Variants in ARHGAP12 observed in about 807,000 individuals in gnomAD.
ARHGAP12 encodes the protein rho GTPase-activating protein 12.
In ARHGAP12, 64 loss-of-function variants were observed where a neutral mutation model predicts 108.6. The ratio of observed to expected loss-of-function variants is 0.59; its 90% CI spans 0.48 to 0.73. The LOEUF is 0.73. Among genes scored for constraint, ARHGAP12 ranks in the 30% least tolerant of loss-of-function variants. The pLI is 0.00. For synonymous variants in ARHGAP12, 312 were observed against 337.2 expected (o/e 0.93, Z 0.82); for missense variants, 940 against 1,005.9 (o/e 0.93, Z 0.89).
intron 3 of ARHGAP12, among the ~76,000 whole-genome samples, chr10:31,884,590 T>G (rs958627740): frequency 6.6e-6 from 1 of 152,204 alleles, no homozygotes; most frequent in Admixed American, 6.5e-5. Flanking sequence ...TCATAACAAT[T>G]AACTCTTTGT....
intron 3 of ARHGAP12, among the ~76,000 whole-genome samples, chr10:31,876,260 G>C (rs552407124): frequency 6.6e-6 from 1 of 152,332 alleles, no homozygotes; most frequent in South Asian, 2.1e-4. Flanking sequence ...GCTCACGCCT[G>C]TAATCCCAGC....
At position 31,808,677 on chromosome 10, in the gene ARHGAP12, T is replaced by C. The variant is rs1433839372; in HGVS notation, c.2338A>G (p.Met780Val). Reference protein sequence around the residue: ...RQLPKPNQDTMQILFRHLRRV... With the variant: ...RQLPKPNQDTVQILFRHLRRV... Reference sequence around the variant, plus strand: ...CTGAGATGTCGGAAAAGAATCTGCATTGTGTCTTGGTTTGGCTTTGGCAAC... The same window carrying C: ...CTGAGATGTCGGAAAAGAATCTGCACTGTGTCTTGGTTTGGCTTTGGCAAC... The change falls in exon 19 of 20, where the codon ATG (methionine) becomes GTG (valine). Residue 780 changes from methionine to valine, a missense_variant. By Grantham distance (21) the Met-to-Val change is conservative (BLOSUM62 1). Transcript: ENST00000344936. 6 of 1,613,742 alleles carry C rather than the reference T, an allele frequency of 3.7e-6. No homozygotes were observed. The highest frequency in any genetic ancestry group is 3.3e-5 in the South Asian group (3 of 91,072).
intron 9 of ARHGAP12, among the ~76,000 whole-genome samples, chr10:31,832,356 A>G (rs1167997321): frequency 6.6e-6 from 1 of 152,228 alleles, no homozygotes; most frequent in African/African-American, 2.4e-5. Flanking sequence ...TTCATTAAGC[A>G]TATTATCAGA....
Position 31,807,112 on chromosome 10 carries a change from C to G in ARHGAP12, c.*546G>C, listed in dbSNP as rs533415112. ...TGCTGTGTAACACAGTAAAAGACAGCAAGCCTTCATCAAGGGGTTATTTTG... is the reference window on the plus strand; with the variant it reads ...TGCTGTGTAACACAGTAAAAGACAGGAAGCCTTCATCAAGGGGTTATTTTG... On this transcript the variant is annotated 3_prime_UTR_variant, in exon 20 of 20. Coordinates refer to ENST00000344936, the MANE Select transcript of ARHGAP12 (RefSeq NM_018287.7). 2.3e-4 allele frequency: 35 copies of G among 152,722 alleles called. No homozygotes were observed. Among genetic ancestry groups the G allele is most frequent in the African/African-American group, 7.9e-4 (33 of 41,534 alleles). The allele number at this position is 152,722 out of a possible 1,614,324, so 9.5% of individuals were successfully genotyped here. A position where few individuals can be genotyped will look rare whatever the true frequency, so the allele number is the denominator to read the frequency against.
chr10:31,842,973 C>CG (rs1475740118), intron 7 of ARHGAP12, among the ~76,000 whole-genome samples: 1 of 152,014 alleles, frequency 6.6e-6, no homozygotes, highest in Non-Finnish European at 1.5e-5. Context: ...CTGCAGAGAG[C>CG]ATTTAGAGAA....
intron 11 of ARHGAP12, 76 bp from the exon 12 acceptor site, chr10:31,820,564 T>C: frequency 2.7e-6 from 2 of 731,148 alleles, no homozygotes; most frequent in Non-Finnish European, 2.1e-6. Context: ...TTAAGAACAA[T>C]TTTATATTAA....
chr10:31,888,812 TAAGAAA>T (rs900305437), intron 3 of ARHGAP12, among the ~76,000 whole-genome samples: 1 of 151,960 alleles, frequency 6.6e-6, no homozygotes, highest in Non-Finnish European at 1.5e-5. Context: ...AAAAAAAGGT[TAAGAAA>T]AAGAGAGATT....
chr10:31,902,160 G>T (rs1385675846), intron 3 of ARHGAP12, among the ~76,000 whole-genome samples: 1 of 151,972 alleles, frequency 6.6e-6, no homozygotes, highest in African/African-American at 2.4e-5. Flanking sequence ...GGTAAATAAG[G>T]CTGCATGGTA....
chr10:31,808,670 A>G lies in ARHGAP12; in HGVS notation c.2345T>C (p.Ile782Thr), dbSNP rs1175447865. The change falls in exon 19 of 20, where the codon ATT (isoleucine) becomes ACT (threonine). Residue 782 changes from isoleucine (I) to threonine (T), a missense_variant. Physicochemically the swap from Ile to Thr is moderately conservative, Grantham distance 89. Coordinates refer to ENST00000344936, the MANE Select transcript of ARHGAP12 (RefSeq NM_018287.7). Reference protein sequence around the residue: ...LPKPNQDTMQILFRHLRRVIE... With the variant: ...LPKPNQDTMQTLFRHLRRVIE... ...CTACCTTCTGAGATGTCGGAAAAGA[A>G]TCTGCATTGTGTCTTGGTTTGGCTT... 2 of 1,613,568 alleles carry G rather than the reference A, an allele frequency of 1.2e-6. No homozygotes were observed. Among genetic ancestry groups the G allele is most frequent in the Non-Finnish European group, 1.7e-6 (2 of 1,179,578 alleles).
At chr10:31,817,729 T>TA (rs201062581) in intron 13 of ARHGAP12, 59 bp downstream of exon 13, 54,318 of 877,092 alleles carry the variant, frequency 0.062, 629 homozygotes, top group African/African-American at 0.18. Context: ...AATAAGCAAT[T>TA]AAAAAAAAAA....
At chr10:31,823,815 A>C (rs915104382) in intron 11 of ARHGAP12, among the ~76,000 whole-genome samples, 7 of 152,198 alleles carry the variant, frequency 4.6e-5, no homozygotes, top group African/African-American at 1.7e-4. Flanking sequence ...ATTCAAGAGC[A>C]GTTTTCACTT....
chr10:31,894,631 C>T (rs1413397861), intron 3 of ARHGAP12, among the ~76,000 whole-genome samples: 1 of 152,230 alleles, frequency 6.6e-6, no homozygotes, highest in African/African-American at 2.4e-5. Flanking sequence ...ATTCCATGCT[C>T]ATGGATAGGA....
chr10:31,820,533 T>A (rs772917441), intron 11 of ARHGAP12, 45 bp from the exon 12 acceptor site: 9 of 1,120,512 alleles, frequency 8.0e-6, no homozygotes, highest in African/African-American at 1.6e-5. Context: ...GATACTCACA[T>A]ATATGTGTAT....
intron 9 of ARHGAP12, among the ~76,000 whole-genome samples, chr10:31,836,839 C>A (rs1836039105): frequency 6.6e-6 from 1 of 152,046 alleles, no homozygotes; most frequent in Non-Finnish European, 1.5e-5. Flanking sequence ...GAGGGCACAA[C>A]AGCATGGATG....
chr10:31,865,442 A>T lies in ARHGAP12; in HGVS notation c.685-3784T>A, dbSNP rs966336901. Among the ~76,000 whole-genome samples the T allele has an allele frequency of 6.6e-5, 10 of 152,280 alleles. 1 individual carries two copies. In the Middle Eastern group the frequency reaches 0.017, roughly 259 times the overall value. ...TAGTTTTACTACAGTTAATGTCAAGATGAAGAAAAGAATGGAAAGAGAAGG... is the reference window on the plus strand; with the variant it reads ...TAGTTTTACTACAGTTAATGTCAAGTTGAAGAAAAGAATGGAAAGAGAAGG... On this transcript the variant is annotated intron_variant, in intron 3 of 19. Coordinates refer to ENST00000344936, the MANE Select transcript of ARHGAP12 (RefSeq NM_018287.7).
At position 31,831,789 on chromosome 10, in the gene ARHGAP12, T is replaced by G; in HGVS notation, c.1398A>C (p.Lys466Asn). 1 of 1,578,202 alleles carries G rather than the reference T, an allele frequency of 6.3e-7. No individual in the cohort carries two copies. The highest frequency in any genetic ancestry group is 8.7e-7 in the Non-Finnish European group (1 of 1,150,548). The change falls in exon 10 of 20, where the codon AAA (lysine) becomes AAC (asparagine). Residue 466 changes from lysine (K) to asparagine (N), a missense_variant. Physicochemically the swap from Lys to Asn is moderately conservative, Grantham distance 94. Coordinates refer to ENST00000344936, the MANE Select transcript of ARHGAP12 (RefSeq NM_018287.7). ...TTTTTGTTACATTTAATAATCCATA[T>G]TTCTCTTGATCCTATGGAACAGAGT... ...DTASSPKDQE[K>N]YGLLNVTKIA... is the part of the protein sequence containing the mutation.
At chr10:31,876,487 C>A (rs1418215850) in intron 3 of ARHGAP12, among the ~76,000 whole-genome samples, 4 of 148,172 alleles carry the variant, frequency 2.7e-5, no homozygotes, top group African/African-American at 7.5e-5. Flanking sequence ...TCCAGGCTGA[C>A]AACAGAGCAA....
intron 1 of ARHGAP12, among the ~76,000 whole-genome samples, chr10:31,922,663 T>C (rs1269980076): frequency 1.3e-5 from 2 of 152,110 alleles, no homozygotes; most frequent in Non-Finnish European, 2.9e-5. Flanking sequence ...ACAGAATTTG[T>C]CTTTAAAAGC....
chr10:31,819,261 CA>C (rs1489545685), intron 12 of ARHGAP12, among the ~76,000 whole-genome samples: 1 of 152,024 alleles, frequency 6.6e-6, no homozygotes, highest in African/African-American at 2.4e-5. Context: ...CGAGGCAGAA[CA>C]ATAAAGAGTA....
Sources: allele counts gnomAD v4.1 joint callset (sites outside exome capture counted in the v4.1 genomes callset), GRCh38; gene constraint gnomAD v4.1.1; transcripts MANE v1.5; gene names NCBI Gene and HGNC (gene_info 2026-07-23, HGNC 2026-07-21).